FER1L6: variants seen among roughly 807,000 people sequenced by gnomAD.
FER1L6 encodes the protein fer-1 like family member 6, also known as fer-1-like protein 6.
In FER1L6, 177 loss-of-function variants were observed where a neutral mutation model predicts 219.2. That is an observed-to-expected ratio of 0.81 (90% CI 0.71 to 0.91). FER1L6 has a LOEUF of 0.91. Among genes scored for constraint, FER1L6 ranks in the 40% least tolerant of loss-of-function variants. The probability of loss-of-function intolerance (pLI) is 0.00; values close to 1 mark genes in which losing one functional copy is unlikely to be tolerated. For synonymous variants in FER1L6, 768 were observed against 824.3 expected, an observed-to-expected ratio of 0.93 and a Z score of 1.17; for missense variants, 2,153 against 2,259.9, an observed-to-expected ratio of 0.95 and a Z score of 0.96.
chr8:123,988,566 A>G (rs1816704819), intron 12 of FER1L6, among the ~76,000 whole-genome samples: 1 of 151,858 alleles, frequency 6.6e-6, no homozygotes. Flanking sequence ...ATTCCTAGGT[A>G]TTTTATTTTA....
chr8:123,884,265 G>T (rs575443084), intron 1 of FER1L6, among the ~76,000 whole-genome samples: 212 of 152,288 alleles, frequency 1.4e-3, no homozygotes, highest in Admixed American at 2.3e-3. Flanking sequence ...CCCTCTAAAT[G>T]GTCCTCCAAT....
At chr8:124,030,845 C>T (rs1181779103) in intron 18 of FER1L6, among the ~76,000 whole-genome samples, 1 of 152,046 alleles carries the variant, frequency 6.6e-6, no homozygotes, top group Non-Finnish European at 1.5e-5. Flanking sequence ...GAGTTACTAC[C>T]TCTCTCTCTC....
In FER1L6 at chr8:123,913,248, C is replaced by G. The variant is rs538438552; in HGVS notation, c.-7-42744C>G. Among the ~76,000 whole-genome samples the G allele has an allele frequency of 5.2e-3, 726 of 139,246 alleles. 1 individual carries two copies. The highest frequency in any genetic ancestry group is 0.017 in the Middle Eastern group (5 of 292). 91.4% of individuals were successfully genotyped at this position (139,246 alleles called of 152,430 possible). A position where few individuals can be genotyped will look rare whatever the true frequency, so the allele number is the denominator to read the frequency against. On this transcript the variant is annotated intron_variant, in intron 1 of 40. Transcript: ENST00000522917. ...AGAAAGTATTTGTATTTAATAAATACAAATGGGGTTAGTTCCATTTTTTTC... is the reference window on the plus strand; with the variant it reads ...AGAAAGTATTTGTATTTAATAAATAGAAATGGGGTTAGTTCCATTTTTTTC...
chr8:124,081,605 C>CAAAAA (rs1243602409), intron 32 of FER1L6, among the ~76,000 whole-genome samples: 4 of 53,012 alleles, frequency 7.5e-5, no homozygotes, highest in Non-Finnish European at 1.2e-4. Context: ...ATGCAGAGAC[C>CAAAAA]AAAAAAAAAA....
intron 5 of FER1L6, among the ~76,000 whole-genome samples, chr8:123,969,673 CAACATAGTGAG>C (rs1238565712): frequency 2.6e-4 from 39 of 151,760 alleles, no homozygotes; most frequent in African/African-American, 9.4e-4. Context: ...CCAGCCTGGG[CAACATAGTGAG>C]AACCTGTCTC....
chr8:123,920,421 G>A (rs1175064399), intron 1 of FER1L6, among the ~76,000 whole-genome samples: 1 of 152,194 alleles, frequency 6.6e-6, no homozygotes, highest in Non-Finnish European at 1.5e-5. Context: ...GAGAAATACA[G>A]TATTCTGAGA....
At chr8:123,925,879 T>C (rs4242350) in intron 1 of FER1L6, 61,453 of 151,646 alleles carry the variant, frequency 0.41, 12,748 homozygotes, top group South Asian at 0.52. Flanking sequence ...CATGGGACTC[T>C]TTGTTTGACA....
chr8:124,027,291 G>T (rs1451623880), intron 18 of FER1L6, among the ~76,000 whole-genome samples: 1 of 152,168 alleles, frequency 6.6e-6, no homozygotes, highest in Non-Finnish European at 1.5e-5. Flanking sequence ...CTAGTTGTAT[G>T]ACCTTGGGCA....
chr8:124,026,065 C>T (rs187418084), intron 18 of FER1L6, among the ~76,000 whole-genome samples: 57 of 152,158 alleles, frequency 3.7e-4, no homozygotes, highest in Admixed American at 2.6e-3. Flanking sequence ...AAGACAGAGT[C>T]CCCAGATGCC....
At position 123,853,168 on chromosome 8, in the gene FER1L6, T is replaced by A. The variant is rs1290843360; in HGVS notation, c.-8+983T>A. ...CTCAGACTTTAAAATAGACGAAATC[T>A]TTTTTTGAGACAGTCTCACTCTATA... is the stretch of plus-strand genomic sequence containing the variant. On this transcript the variant is annotated intron_variant, in intron 1 of 40. Transcript: ENST00000522917. This position sits in a 1 kb window ranked among gnomAD's most constrained non-coding sequence, Gnocchi z 6.6. Among the ~76,000 whole-genome samples the A allele has an allele frequency of 6.6e-6, 1 of 151,956 alleles. No individual in the cohort carries two copies. Among genetic ancestry groups the A allele is most frequent in the Non-Finnish European group, 1.5e-5 (1 of 67,980 alleles).
chr8:123,854,021 G>A (rs1401762688), intron 1 of FER1L6, among the ~76,000 whole-genome samples: 2 of 152,172 alleles, frequency 1.3e-5, no homozygotes. Flanking sequence ...TGGCCCTTCA[G>A]TAAAGGCCTG....
At chr8:124,034,486 C>G (rs1209143417) in intron 18 of FER1L6, among the ~76,000 whole-genome samples, 1 of 152,214 alleles carries the variant, frequency 6.6e-6, no homozygotes, top group African/African-American at 2.4e-5. Flanking sequence ...TACACACATA[C>G]ATGTGGACAT....
At chr8:124,118,987 C>A (rs374027647) in intron 40 of FER1L6, 43 bp downstream of exon 40, 1 of 1,462,384 alleles carries the variant, frequency 6.8e-7, no homozygotes, top group African/African-American at 1.4e-5. Context: ...TGGGAAGGGG[C>A]CTTTGCAGTC....
chr8:124,012,059 C>T (rs930920812), intron 14 of FER1L6, among the ~76,000 whole-genome samples: 1 of 152,174 alleles, frequency 6.6e-6, no homozygotes, highest in African/African-American at 2.4e-5. Flanking sequence ...TCTTGCACCT[C>T]CCCTTTATAA....
At chr8:124,052,186 T>A (rs1820070734) in intron 22 of FER1L6, among the ~76,000 whole-genome samples, 1 of 152,228 alleles carries the variant, frequency 6.6e-6, no homozygotes, top group Non-Finnish European at 1.5e-5. Flanking sequence ...TAAGTGAGAA[T>A]CCTGTTGATT....
At chr8:123,979,078 C>G (rs938403475) in intron 10 of FER1L6, among the ~76,000 whole-genome samples, 1 of 152,112 alleles carries the variant, frequency 6.6e-6, no homozygotes, top group Non-Finnish European at 1.5e-5. Flanking sequence ...CAAGGAAGAG[C>G]TAGAATCCAG....
chr8:123,960,297 A>G (rs934363177), intron 2 of FER1L6, among the ~76,000 whole-genome samples: 1 of 152,170 alleles, frequency 6.6e-6, no homozygotes, highest in East Asian at 1.9e-4. Flanking sequence ...GTTTTTGCCG[A>G]AAGTCTGGTT....
At chr8:123,911,745 G>A (rs1201000775) in intron 1 of FER1L6, among the ~76,000 whole-genome samples, 1 of 152,176 alleles carries the variant, frequency 6.6e-6, no homozygotes, top group Non-Finnish European at 1.5e-5. Context: ...CATGCAGCTA[G>A]TTACTGGTGA....
chr8:123,905,639 C>T (rs1003077028), intron 1 of FER1L6, among the ~76,000 whole-genome samples: 1 of 152,114 alleles, frequency 6.6e-6, no homozygotes, highest in African/African-American at 2.4e-5. Context: ...AGTGTGTAGT[C>T]TTGAACAAAG....
Sources: allele counts gnomAD v4.1 joint callset (sites outside exome capture counted in the v4.1 genomes callset), GRCh38; gene constraint gnomAD v4.1.1; non-coding constraint Gnocchi (gnomAD v3.1); transcripts MANE v1.5; gene names NCBI Gene and HGNC (gene_info 2026-07-23, HGNC 2026-07-21).